The following LINGO2 variants were observed in gnomAD, a reference collection of about 807,000 sequenced individuals.
The protein encoded by LINGO2 is leucine-rich repeat and immunoglobulin-like domain-containing nogo receptor-interacting protein 2.
Under a neutral mutation model 30.6 loss-of-function variants are expected in LINGO2, and 14 were observed. The observed-to-expected ratio is 0.46, with a 90% CI of 0.30 to 0.72. The LOEUF (loss-of-function observed/expected upper bound fraction) is 0.72, where lower values mean the gene tolerates loss of function less well. Among genes scored for constraint, LINGO2 ranks in the 30% least tolerant of loss-of-function variants. LINGO2 has a pLI of 0.07. For missense variants in LINGO2, 729 were observed against 751.7 expected (o/e 0.97, Z 0.35); for synonymous variants, 317 against 288.5 (o/e 1.10, Z -1.00).
chr9:28,478,850 A>G (rs116325678), intron 1 of LINGO2, among the ~76,000 whole-genome samples: 1 of 152,090 alleles, frequency 6.6e-6, no homozygotes. Flanking sequence ...TTTAAATTTA[A>G]TAACACATGA....
At chr9:27,981,152 C>G (rs1424441687) in intron 5 of LINGO2, among the ~76,000 whole-genome samples, 6 of 151,720 alleles carry the variant, frequency 4.0e-5, no homozygotes, top group Non-Finnish European at 8.8e-5. Flanking sequence ...CTGTATTTTT[C>G]CAGAAGTTCC....
chr9:28,825,789 C>G, the LINGO2 span, among the ~76,000 whole-genome samples: 1 of 152,116 alleles, frequency 6.6e-6, no homozygotes, highest in African/African-American at 2.4e-5. Flanking sequence ...TGTAGCCACA[C>G]ACTAATTCAT....
chr9:27,948,774 T>G, exon 6 of LINGO2: 2 of 1,484,976 alleles, frequency 1.3e-6, no homozygotes, highest in Non-Finnish European at 1.8e-6. Context: ...TGCCTCTTAA[T>G]CTAGTAATTT....
the LINGO2 span, among the ~76,000 whole-genome samples, chr9:29,039,535 G>A: frequency 6.6e-6 from 1 of 152,150 alleles, no homozygotes; most frequent in South Asian, 2.1e-4. Context: ...TTCTTGAGAA[G>A]CCTCTTCTCG....
At position 28,025,686 on chromosome 9, in the gene LINGO2, C is replaced by T. The variant is rs530861603; in HGVS notation, c.-86-13281G>A. Among the ~76,000 whole-genome samples, 3 of 152,164 alleles carry T rather than the reference C, an allele frequency of 2.0e-5. No homozygotes were observed. In the South Asian group the frequency reaches 6.2e-4, roughly 32 times the overall value. ...CAGTTTAAAACTCATACTCTAATAA[C>T]TGCTTTTGAACTAGCTAGGAGAATT... On this transcript the variant is annotated intron_variant, in intron 4 of 5. Coordinates refer to ENST00000379992, the Ensembl canonical transcript of LINGO2.
chr9:28,454,082 A>T (rs1455183373), intron 2 of LINGO2, among the ~76,000 whole-genome samples: 1 of 152,046 alleles, frequency 6.6e-6, no homozygotes, highest in East Asian at 1.9e-4. Flanking sequence ...TGAGAGTGTC[A>T]CTGTAAATAG....
At chr9:28,810,370 T>C in the LINGO2 span, among the ~76,000 whole-genome samples, 6 of 152,216 alleles carry the variant, frequency 3.9e-5, no homozygotes, top group African/African-American at 1.4e-4. Flanking sequence ...AATGATGAAG[T>C]ATCATGTACC....
intron 4 of LINGO2, among the ~76,000 whole-genome samples, chr9:28,217,841 C>T (rs1326387337): frequency 6.6e-6 from 1 of 151,646 alleles, no homozygotes; most frequent in Non-Finnish European, 1.5e-5. Flanking sequence ...CATAATATGA[C>T]CACAAAAAGT....
chr9:28,357,721 C>A (rs1420963500), intron 3 of LINGO2, among the ~76,000 whole-genome samples: 1 of 152,064 alleles, frequency 6.6e-6, no homozygotes, highest in African/African-American at 2.4e-5. Flanking sequence ...TATAGAATCA[C>A]TAACAGGTTC....
chr9:28,636,671 T>G (rs1827293170), intron 1 of LINGO2, among the ~76,000 whole-genome samples: 1 of 151,656 alleles, frequency 6.6e-6, no homozygotes, highest in South Asian at 2.1e-4. Flanking sequence ...TTGATGGGGT[T>G]GTTTTTTTCT....
the LINGO2 span, among the ~76,000 whole-genome samples, chr9:28,950,771 C>T: frequency 1.3e-5 from 2 of 152,110 alleles, no homozygotes; most frequent in African/African-American, 2.4e-5. Flanking sequence ...GAAAAACCTT[C>T]CATGCTAATG....
the LINGO2 span, among the ~76,000 whole-genome samples, chr9:28,844,562 C>A: frequency 6.6e-6 from 1 of 151,700 alleles, no homozygotes; most frequent in Non-Finnish European, 1.5e-5. Context: ...AAACATTGTT[C>A]TTTTCATGTT....
intron 4 of LINGO2, among the ~76,000 whole-genome samples, chr9:28,087,930 C>A (rs924093982): frequency 6.6e-6 from 1 of 151,974 alleles, no homozygotes; most frequent in African/African-American, 2.4e-5. Flanking sequence ...TCAGCATTCC[C>A]AATCACTATA....
intron 4 of LINGO2, among the ~76,000 whole-genome samples, chr9:28,096,224 A>T (rs920570366): frequency 1.3e-5 from 2 of 152,210 alleles, no homozygotes; most frequent in African/African-American, 4.8e-5. Flanking sequence ...ATAGGGATTA[A>T]ATAAGTGAAT....
chr9:27,957,584 C>T (rs1398287384), intron 5 of LINGO2, among the ~76,000 whole-genome samples: 1 of 152,170 alleles, frequency 6.6e-6, no homozygotes, highest in Non-Finnish European at 1.5e-5. Context: ...TGAGCCACCG[C>T]ACCCGGCCAC....
chr9:28,836,752 C>G, the LINGO2 span, among the ~76,000 whole-genome samples: 1 of 152,120 alleles, frequency 6.6e-6, no homozygotes, highest in Non-Finnish European at 1.5e-5. Context: ...ATTTTAGCTT[C>G]ATATTTAGTA....
At chr9:28,700,851 G>A in the LINGO2 span, among the ~76,000 whole-genome samples, 2 of 151,962 alleles carry the variant, frequency 1.3e-5, no homozygotes, top group East Asian at 3.9e-4. Context: ...ATTCTAATAG[G>A]TATGTAGTGG....
the LINGO2 span, among the ~76,000 whole-genome samples, chr9:28,983,894 A>G: frequency 6.6e-6 from 1 of 152,042 alleles, no homozygotes; most frequent in Non-Finnish European, 1.5e-5. Context: ...ATACACTGAT[A>G]TACCTTGCTC....
chr9:28,141,493 C>G (rs777716892), intron 4 of LINGO2, among the ~76,000 whole-genome samples: 5 of 152,106 alleles, frequency 3.3e-5, no homozygotes, highest in Non-Finnish European at 7.4e-5. Context: ...TGCTTATACC[C>G]AATAATTTAA....
Sources: gnomAD v4.1 joint callset for allele counts (sites outside exome capture counted in the v4.1 genomes callset) on GRCh38, gnomAD v4.1.1 for gene constraint, MANE v1.5 for transcripts, NCBI Gene and HGNC (gene_info 2026-07-23, HGNC 2026-07-21) for gene names.